The following PCDH15 variants were observed in gnomAD, a reference collection of about 807,000 sequenced individuals.
PCDH15 encodes the protein protocadherin related 15.
A neutral mutation model predicts 178.5 loss-of-function variants in PCDH15; 129 were observed. That is an observed-to-expected ratio of 0.72 (90% CI 0.63 to 0.84). PCDH15 has a LOEUF of 0.84. PCDH15 is among the 40% of genes least tolerant of loss of function. The probability of loss-of-function intolerance (pLI) is 0.00; values close to 1 mark genes in which losing one functional copy is unlikely to be tolerated. For synonymous variants in PCDH15, 800 were observed against 732.0 expected (o/e 1.09, Z -1.50); for missense variants, 2,230 against 2,099.9 (o/e 1.06, Z -1.21).
At chr10:55,094,308 G>A (rs143640464) in intron 2 of PCDH15, among the ~76,000 whole-genome samples, 6,170 of 151,798 alleles carry the variant, frequency 0.041, 304 homozygotes, top group East Asian at 0.14. Context: ...ACCAAACACC[G>A]CATGTTCTCA....
intron 3 of PCDH15, among the ~76,000 whole-genome samples, chr10:54,809,197 C>T (rs1591713421): frequency 6.6e-6 from 1 of 152,160 alleles, no homozygotes; most frequent in African/African-American, 2.4e-5. Context: ...GCCATTGATT[C>T]GTACAATCTT....
At chr10:54,967,336 T>G (rs893799220) in intron 2 of PCDH15, among the ~76,000 whole-genome samples, 1 of 152,114 alleles carries the variant, frequency 6.6e-6, no homozygotes, top group Non-Finnish European at 1.5e-5. Context: ...GATACACACA[T>G]GCACACACAC....
intron 2 of PCDH15, among the ~76,000 whole-genome samples, chr10:55,345,210 T>A (rs1283838984): frequency 2.0e-5 from 3 of 151,910 alleles, no homozygotes; most frequent in African/African-American, 7.3e-5. Flanking sequence ...TATTTTTGAT[T>A]AAAAAAGTTG....
intron 3 of PCDH15, among the ~76,000 whole-genome samples, chr10:54,408,052 C>CAAAA (rs71461239): frequency 0.017 from 1,391 of 83,674 alleles, 76 homozygotes; most frequent in African/African-American, 0.063. Flanking sequence ...GAGACTCTGT[C>CAAAA]AAAAAAAAAA....
In PCDH15 at chr10:54,089,239, A is replaced by G. The variant is rs555186594; in HGVS notation, c.1997+745T>C. ...TGATGTGGCAATGTATTCATTTGTC[A>G]AAGTTTTAACTTTATAATCATTGGC... On this transcript the variant is annotated intron_variant, in intron 16 of 37. Coordinates refer to ENST00000644397, the MANE Select transcript of PCDH15 (RefSeq NM_001384140.1). 2.6e-5 allele frequency among the ~76,000 whole-genome samples: 4 copies of G among 152,324 alleles called. No individual in the cohort carries two copies. In the East Asian group the frequency reaches 5.8e-4, roughly 22 times the overall value.
chr10:54,545,592 G>A (rs2085756887), intron 2 of PCDH15, among the ~76,000 whole-genome samples: 1 of 151,932 alleles, frequency 6.6e-6, no homozygotes, highest in Admixed American at 6.6e-5. Flanking sequence ...GGAAGAGAAA[G>A]AAGACAAAAT....
intron 2 of PCDH15, among the ~76,000 whole-genome samples, chr10:55,483,948 C>T (rs1042294199): frequency 6.6e-6 from 1 of 151,738 alleles, no homozygotes; most frequent in African/African-American, 2.4e-5. Context: ...GGTACAAATA[C>T]ACCATGGAAT....
chr10:53,864,936 G>A (rs1326862927), intron 27 of PCDH15, among the ~76,000 whole-genome samples: 1 of 152,018 alleles, frequency 6.6e-6, no homozygotes, highest in African/African-American at 2.4e-5. Flanking sequence ...ACTCAAAGCC[G>A]TCATGTAACA....
At chr10:55,082,595 A>C (rs1475736896) in intron 2 of PCDH15, among the ~76,000 whole-genome samples, 2 of 140,376 alleles carry the variant, frequency 1.4e-5, no homozygotes, top group Admixed American at 7.0e-5. Context: ...AAAAAAAAAA[A>C]CACGCAAAAT....
chr10:54,654,693 A>G (rs1565862717), intron 2 of PCDH15, among the ~76,000 whole-genome samples: 1 of 152,220 alleles, frequency 6.6e-6, no homozygotes, highest in Non-Finnish European at 1.5e-5. Context: ...AAGCAAGTTT[A>G]TAATTACATT....
chr10:54,037,066 T>C (rs1328703141), intron 18 of PCDH15, among the ~76,000 whole-genome samples: 1 of 151,910 alleles, frequency 6.6e-6, no homozygotes, highest in Non-Finnish European at 1.5e-5. Flanking sequence ...GTGAGTGAAT[T>C]GCTGTAATCT....
intron 2 of PCDH15, among the ~76,000 whole-genome samples, chr10:54,623,725 A>T (rs1219944623): frequency 6.6e-6 from 1 of 152,126 alleles, no homozygotes; most frequent in African/African-American, 2.4e-5. Flanking sequence ...TCATTTTCTT[A>T]ATCAAGATGA....
intron 27 of PCDH15, among the ~76,000 whole-genome samples, chr10:53,859,250 G>A (rs556357594): frequency 2.0e-5 from 3 of 152,226 alleles, no homozygotes; most frequent in Admixed American, 6.5e-5. Flanking sequence ...AGGAGCTTTT[G>A]CAGTGGGACT....
At chr10:54,225,256 A>G (rs546807032) in intron 9 of PCDH15, among the ~76,000 whole-genome samples, 89 of 152,292 alleles carry the variant, frequency 5.8e-4, no homozygotes, top group Non-Finnish European at 9.7e-4. Context: ...TGTATCCTTT[A>G]AAGTTTGAAA....
chr10:54,350,723 C>T (rs1944041050), intron 5 of PCDH15, among the ~76,000 whole-genome samples: 1 of 152,206 alleles, frequency 6.6e-6, no homozygotes, highest in African/African-American at 2.4e-5. Context: ...TGGCTCACAC[C>T]TGTAATCCCA....
chr10:54,219,233 C>T (rs549287357), intron 9 of PCDH15, among the ~76,000 whole-genome samples: 90 of 145,702 alleles, frequency 6.2e-4, no homozygotes, highest in African/African-American at 1.7e-3. Flanking sequence ...TGAGATTGTG[C>T]CACTGCACTC....
chr10:54,892,815 C>T (rs961435352), intron 3 of PCDH15, among the ~76,000 whole-genome samples: 8 of 151,224 alleles, frequency 5.3e-5, no homozygotes. Context: ...CAGCCTCTGC[C>T]CCCCAGGTTC....
chr10:54,598,432 G>A (rs987966173), intron 2 of PCDH15, among the ~76,000 whole-genome samples: 1 of 151,984 alleles, frequency 6.6e-6, no homozygotes, highest in Non-Finnish European at 1.5e-5. Flanking sequence ...TTCCCTTCAT[G>A]TTAAAAACTC....
intron 21 of PCDH15, among the ~76,000 whole-genome samples, chr10:53,967,235 G>A (rs2089133175): frequency 1.3e-5 from 2 of 152,054 alleles, no homozygotes; most frequent in African/African-American, 4.8e-5. Flanking sequence ...CCTTGCTGCT[G>A]CCATGTGAAG....
Sources: gnomAD v4.1 joint callset for allele counts (sites outside exome capture counted in the v4.1 genomes callset) on GRCh38, gnomAD v4.1.1 for gene constraint, MANE v1.5 for transcripts, NCBI Gene and HGNC (gene_info 2026-07-23, HGNC 2026-07-21) for gene names.